Variants in APP observed in about 807,000 individuals in gnomAD.
APP encodes amyloid beta precursor protein.
APP carries 31 observed loss-of-function variants against 101.4 expected under a neutral mutation model. That is an observed-to-expected ratio of 0.31 (90% CI 0.23 to 0.41). The LOEUF (loss-of-function observed/expected upper bound fraction) is 0.41, where lower values mean the gene tolerates loss of function less well. Among genes scored for constraint, APP ranks in the 10% least tolerant of loss-of-function variants. The pLI, the probability that APP is intolerant of heterozygous loss-of-function variation, is 1.00. For missense variants in APP, 839 were observed against 1,003.7 expected, an observed-to-expected ratio of 0.84 and a Z score of 2.22; for synonymous variants, 366 against 364.4, an observed-to-expected ratio of 1.00 and a Z score of -0.05.
rs1218894724 is a variant in APP at position 25,891,878 on chromosome 21, AAATT to A, written c.2065-14_2065-11del. ...CTTCTGCAAAGAACACCTTGAAAAC[AAATT>A]AAGAAAAAGAATTTTAATTTCTAAA... On this transcript the variant is annotated splice_polypyrimidine_tract_variant and intron_variant, in intron 16 of 17. Transcript: ENST00000346798. 4.3e-6 allele frequency: 7 copies of A among 1,611,680 alleles called. No homozygotes were observed. In the African/African-American group the frequency reaches 8.0e-5, roughly 18 times the overall value.
intron 1 of APP, among the ~76,000 whole-genome samples, chr21:26,138,147 A>G (rs916551356): frequency 6.6e-6 from 1 of 152,228 alleles, no homozygotes; most frequent in Non-Finnish European, 1.5e-5. Context: ...TCAGAAACCT[A>G]TGAACAGAAG....
chr21:26,107,808 T>C (rs1175408235), intron 2 of APP, among the ~76,000 whole-genome samples: 2 of 152,224 alleles, frequency 1.3e-5, no homozygotes, highest in African/African-American at 4.8e-5. Flanking sequence ...ATTATGATTT[T>C]ACAAGCTTTT....
intron 15 of APP, among the ~76,000 whole-genome samples, chr21:25,903,348 G>A: frequency 7.4e-6 from 1 of 135,356 alleles, no homozygotes; most frequent in Admixed American, 7.9e-5. Context: ...CAGCCTGGGG[G>A]ACACAGCGAG....
At chr21:26,031,555 CGGCAAGAGAAAAATGAGGAAAA>C (rs998977959) in intron 5 of APP, among the ~76,000 whole-genome samples, 9 of 151,716 alleles carry the variant, frequency 5.9e-5, no homozygotes, top group African/African-American at 1.9e-4. Flanking sequence ...TACATGGTGG[CGGCAAGAGAAAAATGAGGAAAA>C]GGCAAGAGAA....
intron 13 of APP, among the ~76,000 whole-genome samples, chr21:25,951,121 A>C (rs572977410): frequency 6.3e-5 from 5 of 79,990 alleles, no homozygotes; most frequent in South Asian, 1.1e-3. Context: ...TGCCTCAGGG[A>C]AGCACAATGG....
intron 14 of APP, among the ~76,000 whole-genome samples, chr21:25,909,101 A>G (rs1435661190): frequency 6.6e-6 from 1 of 151,946 alleles, no homozygotes; most frequent in Non-Finnish European, 1.5e-5. Flanking sequence ...ATCTCTAGTA[A>G]AAATACAAAA....
intron 5 of APP, among the ~76,000 whole-genome samples, chr21:26,046,234 A>G (rs898016839): frequency 1.3e-5 from 2 of 151,962 alleles, no homozygotes; most frequent in Non-Finnish European, 2.9e-5. Context: ...ACATGGTGAA[A>G]CCCTGTCTCT....
At position 25,946,141 on chromosome 21, in the gene APP, A is replaced by G. The variant is rs544407897; in HGVS notation, c.1687+8449T>C. Among the ~76,000 whole-genome samples the G allele has an allele frequency of 2.0e-5, 3 of 152,346 alleles. No individual in the cohort carries two copies. In the East Asian group the frequency reaches 5.8e-4, roughly 29 times the overall value. On this transcript the variant is annotated intron_variant, in intron 13 of 17. Coordinates refer to ENST00000346798, the MANE Select transcript of APP (RefSeq NM_000484.4). ...AAAACTCTTAGAAGGTAACAGGTATAAATCGTTGTAACCTTGTTTCGGACA... is the reference window on the plus strand; with the variant it reads ...AAAACTCTTAGAAGGTAACAGGTATGAATCGTTGTAACCTTGTTTCGGACA...
At chr21:26,025,370 A>G (rs187274258) in intron 5 of APP, among the ~76,000 whole-genome samples, 101 of 152,360 alleles carry the variant, frequency 6.6e-4, no homozygotes, top group African/African-American at 2.4e-3. Context: ...TTTAAGTGGA[A>G]AATTCAGGGA....
chr21:26,135,476 C>A (rs1439101862), intron 1 of APP, among the ~76,000 whole-genome samples: 1 of 152,216 alleles, frequency 6.6e-6, no homozygotes, highest in Non-Finnish European at 1.5e-5. Flanking sequence ...TGACTTGGTG[C>A]AAATTCAATC....
At chr21:26,170,931 C>T, upstream of APP, 1 of 274,252 alleles carries the variant, frequency 3.6e-6, no homozygotes, top group Middle Eastern at 1.1e-3. Flanking sequence ...TGCACGCGCC[C>T]TTGGCGCCGC....
chr21:26,004,451 C>A (rs531556562), intron 6 of APP, among the ~76,000 whole-genome samples: 4 of 151,510 alleles, frequency 2.6e-5, no homozygotes, highest in Non-Finnish European at 5.9e-5. Flanking sequence ...CGCCACACAC[C>A]GGCTAATTTT....
intron 2 of APP, among the ~76,000 whole-genome samples, chr21:26,108,019 A>C (rs1470538761): frequency 6.6e-6 from 1 of 152,212 alleles, no homozygotes; most frequent in Non-Finnish European, 1.5e-5. Context: ...CATGCAGTGA[A>C]GTTCTGGTTG....
At chr21:25,984,429 G>A (rs781204003) in intron 8 of APP, among the ~76,000 whole-genome samples, 2 of 151,944 alleles carry the variant, frequency 1.3e-5, no homozygotes, top group African/African-American at 2.4e-5. Context: ...AAAAAAGGCC[G>A]AAAGTATCAA....
intron 1 of APP, among the ~76,000 whole-genome samples, chr21:26,128,396 G>T (rs1601530641): frequency 6.6e-6 from 1 of 152,304 alleles, no homozygotes; most frequent in East Asian, 1.9e-4. Flanking sequence ...CAAATTTCAA[G>T]ATATTAAATT....
chr21:26,085,124 G>A (rs1026905009), intron 3 of APP, among the ~76,000 whole-genome samples: 4 of 152,024 alleles, frequency 2.6e-5, no homozygotes, highest in Admixed American at 2.6e-4. Context: ...TTTCTTTTCC[G>A]GACATGTTTT....
At chr21:25,988,224 G>C (rs2042711599) in intron 8 of APP, among the ~76,000 whole-genome samples, 1 of 152,182 alleles carries the variant, frequency 6.6e-6, no homozygotes, top group African/African-American at 2.4e-5. Context: ...AGCTAAAGAA[G>C]CAAGAGAGGA....
intron 5 of APP, among the ~76,000 whole-genome samples, chr21:26,030,335 A>C (rs1333022270): frequency 6.6e-6 from 1 of 152,172 alleles, no homozygotes. Flanking sequence ...ACTCAGGGAG[A>C]ATCTGAATAT....
intron 13 of APP, chr21:25,937,829 G>A (rs529153155): frequency 6.6e-6 from 1 of 152,380 alleles, no homozygotes; most frequent in South Asian, 2.1e-4. Flanking sequence ...GAGTGTAGTG[G>A]TGCCGCCAGG....
Sources: gnomAD v4.1 joint callset for allele counts (sites outside exome capture counted in the v4.1 genomes callset) on GRCh38, gnomAD v4.1.1 for gene constraint, MANE v1.5 for transcripts, NCBI Gene and HGNC (gene_info 2026-07-23, HGNC 2026-07-21) for gene names.